SDK1: variants seen among roughly 807,000 people sequenced by gnomAD.
SDK1 encodes protein sidekick-1.
A neutral mutation model predicts 245.5 loss-of-function variants in SDK1; 157 were observed. The ratio of observed to expected loss-of-function variants is 0.64; its 90% CI spans 0.56 to 0.73. SDK1 has a LOEUF of 0.73. Among genes scored for constraint, SDK1 ranks in the 30% least tolerant of loss-of-function variants. The pLI, the probability that SDK1 is intolerant of heterozygous loss-of-function variation, is 0.00. For missense variants in SDK1, 3,583 were observed against 3,002.3 expected (o/e 1.19, Z -4.52); for synonymous variants, 1,647 against 1,278.5 (o/e 1.29, Z -6.15).
chr7:4,092,049 C>T (rs1781840469), intron 22 of SDK1, among the ~76,000 whole-genome samples: 1 of 152,160 alleles, frequency 6.6e-6, no homozygotes, highest in South Asian at 2.1e-4. Context: ...TTTGGGATCA[C>T]AGCGACAGGG....
rs116296956 is a variant in SDK1 at position 4,232,579 on chromosome 7, C to A, written c.5828-676C>A. Among the ~76,000 whole-genome samples, 80 of 152,188 alleles carry A rather than the reference C, an allele frequency of 5.3e-4. 1 individual carries two copies. The highest frequency in any genetic ancestry group is 1.9e-3 in the African/African-American group (77 of 41,528). ...CCAGGCTCAAGCAATCCTCCTGCTTCAGCCTCTTGAGTAGTAGTAGGGACC... is the reference window on the plus strand; with the variant it reads ...CCAGGCTCAAGCAATCCTCCTGCTTAAGCCTCTTGAGTAGTAGTAGGGACC... On this transcript the variant is annotated intron_variant, in intron 40 of 44. Coordinates refer to ENST00000404826, the MANE Select transcript of SDK1 (RefSeq NM_152744.4).
chr7:4,081,513 A>G (rs1239256525), intron 22 of SDK1, among the ~76,000 whole-genome samples: 5 of 127,010 alleles, frequency 3.9e-5, no homozygotes, highest in Non-Finnish European at 6.2e-5. Flanking sequence ...TCTTCCTCCC[A>G]GGTTCAAGTG....
Position 3,958,914 on chromosome 7 carries a change from T to C in SDK1, c.1151-17T>C, listed in dbSNP as rs766750302. 1.2e-6 allele frequency: 2 copies of C among 1,607,166 alleles called. No individual in the cohort carries two copies. The highest frequency in any genetic ancestry group is 1.7e-5 in the Admixed American group (1 of 59,768). On this transcript the variant is annotated splice_polypyrimidine_tract_variant and intron_variant, in intron 7 of 44. Coordinates refer to ENST00000404826, the MANE Select transcript of SDK1 (RefSeq NM_152744.4). ...CTTCTTTGGCTTAGGGGCTTTTTTT[T>C]ATTTTCTTGTTTGAAGAGCCACCAT...
chr7:4,190,288 T>TC (rs1266275006), intron 35 of SDK1, among the ~76,000 whole-genome samples: 1 of 152,144 alleles, frequency 6.6e-6, no homozygotes, highest in Non-Finnish European at 1.5e-5. Context: ...GCGGCCACAG[T>TC]CTCTCCAACT....
chr7:3,861,596 C>T (rs1213137356), intron 5 of SDK1, among the ~76,000 whole-genome samples: 1 of 152,198 alleles, frequency 6.6e-6, no homozygotes, highest in East Asian at 1.9e-4. Flanking sequence ...TGAATGTCTT[C>T]ACCAGAAGGG....
intron 25 of SDK1, among the ~76,000 whole-genome samples, chr7:4,122,824 A>G (rs982384040): frequency 2.0e-5 from 3 of 152,242 alleles, no homozygotes; most frequent in Admixed American, 1.3e-4. Flanking sequence ...CTACTTCAAA[A>G]TAGATGATGG....
At chr7:3,357,675 T>A (rs1780841816) in intron 1 of SDK1, among the ~76,000 whole-genome samples, 1 of 151,952 alleles carries the variant, frequency 6.6e-6, no homozygotes, top group South Asian at 2.1e-4. Flanking sequence ...GTCTTGAGCC[T>A]CCTGTTCTCC....
At chr7:4,025,975 C>A (rs553172218) in intron 17 of SDK1, among the ~76,000 whole-genome samples, 9 of 152,228 alleles carry the variant, frequency 5.9e-5, no homozygotes, top group East Asian at 1.9e-4. Context: ...CCTCCTCCCC[C>A]TCCCCTGCTG....
In SDK1 at chr7:4,241,743, G is replaced by T. The variant is rs376235768; in HGVS notation, c.6131-50G>T. On this transcript the variant is annotated intron_variant, in intron 42 of 44. Transcript: ENST00000404826. The stretch of plus-strand genomic sequence containing the variant: ...GCCAGCTCTGGCTTGGCGTGGCTGC[G>T]GTGGCCACACCAGTAACACGTCTGT... 37 of 1,609,864 alleles carry T rather than the reference G, an allele frequency of 2.3e-5. No homozygotes were observed. In the East Asian group the frequency reaches 7.6e-4, roughly 33 times the overall value.
intron 1 of SDK1, among the ~76,000 whole-genome samples, chr7:3,373,285 A>C (rs1396826166): frequency 6.6e-6 from 1 of 152,214 alleles, no homozygotes; most frequent in Non-Finnish European, 1.5e-5. Context: ...AAAGTCTCAT[A>C]TAATTTATTG....
intron 4 of SDK1, among the ~76,000 whole-genome samples, chr7:3,795,268 C>T (rs1400912152): frequency 6.6e-6 from 1 of 151,284 alleles, no homozygotes; most frequent in African/African-American, 2.4e-5. Context: ...ATTTTTTTTT[C>T]CCCCTTAGAG....
At chr7:4,234,312 A>G (rs1421495846) in intron 41 of SDK1, among the ~76,000 whole-genome samples, 6 of 152,108 alleles carry the variant, frequency 3.9e-5, no homozygotes, top group Non-Finnish European at 8.8e-5. Context: ...CCCTGGGTCC[A>G]GGTCCAGGTC....
At chr7:4,234,455 C>T (rs932092244) in intron 41 of SDK1, among the ~76,000 whole-genome samples, 3 of 152,170 alleles carry the variant, frequency 2.0e-5, no homozygotes, top group Admixed American at 2.0e-4. Flanking sequence ...GCTGTGACCT[C>T]GCCTGGGAAT....
chr7:3,951,331 A>G (rs1056265879), intron 6 of SDK1, among the ~76,000 whole-genome samples: 1 of 152,098 alleles, frequency 6.6e-6, no homozygotes, highest in South Asian at 2.1e-4. Context: ...GAAAAAGTTC[A>G]TTGCTCTTCT....
intron 4 of SDK1, among the ~76,000 whole-genome samples, chr7:3,780,430 G>A (rs1780696483): frequency 1.3e-5 from 2 of 152,216 alleles, no homozygotes; most frequent in African/African-American, 4.8e-5. Context: ...ACCAGCACAT[G>A]GATCTTAGAG....
At chr7:3,926,208 G>A (rs937894580) in intron 5 of SDK1, among the ~76,000 whole-genome samples, 8 of 152,152 alleles carry the variant, frequency 5.3e-5, no homozygotes, top group Admixed American at 2.0e-4. Context: ...CCTCTAGATG[G>A]TACAGACAGG....
chr7:4,087,910 T>TG (rs1781529885), intron 22 of SDK1, among the ~76,000 whole-genome samples: 1 of 152,224 alleles, frequency 6.6e-6, no homozygotes, highest in Admixed American at 6.5e-5. Context: ...TAAATGATAT[T>TG]TTCTGCCTGT....
At chr7:3,666,055 T>G (rs1426768922) in intron 4 of SDK1, among the ~76,000 whole-genome samples, 1 of 152,210 alleles carries the variant, frequency 6.6e-6, no homozygotes, top group Non-Finnish European at 1.5e-5. Context: ...CTGCTTAGAT[T>G]CCTGCAGGAA....
intron 31 of SDK1, among the ~76,000 whole-genome samples, chr7:4,159,057 A>C (rs1452314631): frequency 6.6e-6 from 1 of 152,192 alleles, no homozygotes; most frequent in East Asian, 1.9e-4. Flanking sequence ...AGGCAGCTCT[A>C]TCAGCCGCGT....
Sources: allele counts gnomAD v4.1 joint callset (sites outside exome capture counted in the v4.1 genomes callset), GRCh38; gene constraint gnomAD v4.1.1; transcripts MANE v1.5; gene names NCBI Gene and HGNC (gene_info 2026-07-23, HGNC 2026-07-21).